CEP112: variants seen among roughly 807,000 people sequenced by gnomAD.
CEP112 encodes the protein centrosomal protein 112, also known as centrosomal protein of 112 kDa.
In CEP112, 127 loss-of-function variants were observed where a neutral mutation model predicts 153.0. That is an observed-to-expected ratio of 0.83 (90% CI 0.72 to 0.96). The LOEUF (loss-of-function observed/expected upper bound fraction) is 0.96. Ranked by LOEUF, CEP112 falls within the 40% of genes least tolerant of loss-of-function variation. The pLI is 0.00. For missense variants in CEP112, 1,089 were observed against 1,101.2 expected, an observed-to-expected ratio of 0.99 and a Z score of 0.16; for synonymous variants, 358 against 374.4, an observed-to-expected ratio of 0.96 and a Z score of 0.51.
intron 21 of CEP112, among the ~76,000 whole-genome samples, chr17:65,801,702 T>G (rs1253846434): frequency 6.6e-6 from 1 of 152,238 alleles, no homozygotes; most frequent in Middle Eastern, 3.2e-3. Context: ...TTCCACTGCT[T>G]TCTGACCTTC....
chr17:65,654,915 GA>G, intron 24 of CEP112: 1 of 580,838 alleles, frequency 1.7e-6, no homozygotes, highest in African/African-American at 1.9e-5. Context: ...CTCAGAAGAG[GA>G]ACTCGGACAG....
At chr17:66,173,544 C>T (rs1317420109) in intron 4 of CEP112, among the ~76,000 whole-genome samples, 1 of 152,154 alleles carries the variant, frequency 6.6e-6, no homozygotes, top group African/African-American at 2.4e-5. Context: ...CTGTAAACTC[C>T]ACATTCATTA....
At chr17:66,155,364 T>C (rs2071392002) in intron 4 of CEP112, among the ~76,000 whole-genome samples, 1 of 152,052 alleles carries the variant, frequency 6.6e-6, no homozygotes, top group African/African-American at 2.4e-5. Flanking sequence ...CTGACCCAGT[T>C]ACTAGACTTT....
chr17:65,961,752 TAATTTGTCTC>T (rs1276173021), intron 17 of CEP112, among the ~76,000 whole-genome samples, 154 bp from the exon 18 acceptor site: 1 of 152,230 alleles, frequency 6.6e-6, no homozygotes, highest in African/African-American at 2.4e-5. Flanking sequence ...GACAATAAAC[TAATTTGTCTC>T]AAGAGAAAAA....
chr17:66,073,366 G>A (rs2067369966), intron 8 of CEP112, among the ~76,000 whole-genome samples: 1 of 152,198 alleles, frequency 6.6e-6, no homozygotes, highest in Non-Finnish European at 1.5e-5. Flanking sequence ...AGAGGTCAGA[G>A]TTCTGAGCAG....
At chr17:66,042,757 A>G (rs1486989545) in intron 12 of CEP112, among the ~76,000 whole-genome samples, 1 of 152,208 alleles carries the variant, frequency 6.6e-6, no homozygotes, top group Non-Finnish European at 1.5e-5. Context: ...ATAACCTAAG[A>G]TGTGAAAAAC....
intron 11 of CEP112, among the ~76,000 whole-genome samples, chr17:66,061,648 A>G (rs2066924357): frequency 1.3e-5 from 2 of 152,210 alleles, no homozygotes; most frequent in South Asian, 4.1e-4. Context: ...TTGCAACAAC[A>G]TGGACAAACT....
In CEP112 at chr17:65,956,981, G is replaced by A. The variant is rs541169631; in HGVS notation, c.1872+4482C>T. The stretch of plus-strand genomic sequence containing the variant: ...TTGTATAGGGCAGGTAGGGTATACA[G>A]CATGGATATGCTGGATAAAAGGATG... On this transcript the variant is annotated intron_variant, in intron 18 of 26. Transcript: ENST00000535342. 1.3e-3 allele frequency among the ~76,000 whole-genome samples: 193 copies of A among 152,222 alleles called. 2 individuals are homozygous for A. The highest frequency in any genetic ancestry group is 4.4e-3 in the African/African-American group (183 of 41,530).
chr17:65,851,053 A>T (rs2146300987), intron 21 of CEP112, among the ~76,000 whole-genome samples: 1 of 152,358 alleles, frequency 6.6e-6, no homozygotes, highest in East Asian at 1.9e-4. Context: ...CATTATTTGA[A>T]GATGAAGAGG....
intron 21 of CEP112, among the ~76,000 whole-genome samples, chr17:65,784,148 C>G (rs540702995): frequency 1.3e-5 from 2 of 152,236 alleles, no homozygotes; most frequent in African/African-American, 4.8e-5. Flanking sequence ...AAATAAAATG[C>G]AAGGCAAGAG....
chr17:66,043,095 C>T, intron 12 of CEP112: 1 of 981,120 alleles, frequency 1.0e-6, no homozygotes. Flanking sequence ...TCTTAACCTA[C>T]CTTAACCTAC....
At chr17:66,040,319 G>A (rs2111404) in intron 12 of CEP112, among the ~76,000 whole-genome samples, 62,418 of 151,752 alleles carry the variant, frequency 0.41, 14,303 homozygotes, top group East Asian at 0.87. Context: ...CTTTTTAAGT[G>A]TTTATTAATC....
intron 21 of CEP112, among the ~76,000 whole-genome samples, chr17:65,802,461 G>A (rs992242992): frequency 6.6e-6 from 1 of 152,076 alleles, no homozygotes; most frequent in Non-Finnish European, 1.5e-5. Flanking sequence ...ATGATCAATA[G>A]TCATTTCTAT....
chr17:65,931,788 T>A (rs944101511), intron 18 of CEP112, among the ~76,000 whole-genome samples: 2 of 152,346 alleles, frequency 1.3e-5, no homozygotes, highest in East Asian at 3.9e-4. Flanking sequence ...GAGCAGAGCA[T>A]GTAGTCCAAT....
intron 21 of CEP112, among the ~76,000 whole-genome samples, chr17:65,774,165 T>A (rs1354307207): frequency 6.6e-6 from 1 of 151,880 alleles, no homozygotes; most frequent in Non-Finnish European, 1.5e-5. Context: ...ATAAGAATAC[T>A]ACTTGAAAGT....
At chr17:66,105,267 A>G (rs2068735626) in intron 6 of CEP112, among the ~76,000 whole-genome samples, 1 of 152,176 alleles carries the variant, frequency 6.6e-6, no homozygotes, top group South Asian at 2.1e-4. Flanking sequence ...ACCTCAAACC[A>G]AAAAACCTAC....
At chr17:65,960,972 T>C (rs2062177446) in intron 18 of CEP112, among the ~76,000 whole-genome samples, 1 of 151,668 alleles carries the variant, frequency 6.6e-6, no homozygotes, top group African/African-American at 2.4e-5. Context: ...AATAATTCCC[T>C]TTATTCTTTT....
At chr17:66,129,334 T>C (rs1338638147) in intron 6 of CEP112, among the ~76,000 whole-genome samples, 1 of 152,150 alleles carries the variant, frequency 6.6e-6, no homozygotes, top group African/African-American at 2.4e-5. Flanking sequence ...CTCTATAAAC[T>C]GTTTTCCGTA....
intron 21 of CEP112, among the ~76,000 whole-genome samples, chr17:65,772,700 T>C (rs1020320227): frequency 6.6e-6 from 1 of 151,970 alleles, no homozygotes; most frequent in African/African-American, 2.4e-5. Context: ...CTTCTCCGGG[T>C]TAGGCACTGT....
Sources: gnomAD v4.1 joint callset for allele counts (sites outside exome capture counted in the v4.1 genomes callset) on GRCh38, gnomAD v4.1.1 for gene constraint, MANE v1.5 for transcripts, NCBI Gene and HGNC (gene_info 2026-07-23, HGNC 2026-07-21) for gene names.